XYLT1: variants seen among roughly 807,000 people sequenced by gnomAD.
XYLT1 encodes the protein beta-D-xylosyltransferase 1.
In XYLT1, 36 loss-of-function variants were observed where a neutral mutation model predicts 91.3. The ratio of observed to expected loss-of-function variants is 0.39; its 90% CI spans 0.30 to 0.52. The LOEUF (loss-of-function observed/expected upper bound fraction) is 0.52, where lower values mean the gene tolerates loss of function less well. Among genes scored for constraint, XYLT1 ranks in the 20% least tolerant of loss-of-function variants. The probability of loss-of-function intolerance (pLI) is 0.68; values close to 1 mark genes in which losing one functional copy is unlikely to be tolerated. For missense variants in XYLT1, 1,242 were observed against 1,284.5 expected, an observed-to-expected ratio of 0.97 and a Z score of 0.51; for synonymous variants, 588 against 532.0, an observed-to-expected ratio of 1.11 and a Z score of -1.45.
intron 1 of XYLT1, among the ~76,000 whole-genome samples, chr16:17,456,953 AATT>A (rs565788645): frequency 2.0e-5 from 3 of 152,126 alleles, no homozygotes; most frequent in African/African-American, 7.2e-5. Flanking sequence ...AGATAATAGC[AATT>A]ATTATTATTA....
intron 5 of XYLT1, among the ~76,000 whole-genome samples, chr16:17,180,287 G>C (rs2032038794): frequency 6.6e-6 from 1 of 152,142 alleles, no homozygotes; most frequent in Non-Finnish European, 1.5e-5. Flanking sequence ...TTGGATTAAT[G>C]GGACTATTTA....
intron 3 of XYLT1, among the ~76,000 whole-genome samples, chr16:17,255,405 C>T (rs1250490923): frequency 6.6e-6 from 1 of 152,144 alleles, no homozygotes; most frequent in East Asian, 1.9e-4. Flanking sequence ...ATAGCTGTGA[C>T]AAAGACTGGC....
intron 1 of XYLT1, among the ~76,000 whole-genome samples, chr16:17,417,211 C>T (rs552984655): frequency 2.0e-5 from 3 of 152,212 alleles, no homozygotes; most frequent in Admixed American, 6.5e-5. Context: ...CAAGGCTCTA[C>T]TGACTCTCTT....
At chr16:17,214,956 AG>A (rs1480858486) in intron 3 of XYLT1, among the ~76,000 whole-genome samples, 1 of 152,192 alleles carries the variant, frequency 6.6e-6, no homozygotes, top group Admixed American at 6.5e-5. Flanking sequence ...TTCCAAAGAC[AG>A]GATTTGCTAG....
intron 1 of XYLT1, among the ~76,000 whole-genome samples, chr16:17,446,600 C>T (rs531586209): frequency 6.6e-6 from 1 of 152,334 alleles, no homozygotes; most frequent in South Asian, 2.1e-4. Context: ...GTGCCCCTCC[C>T]AGTCTTGGGA....
chr16:17,291,285 G>A (rs1273881818), intron 2 of XYLT1, among the ~76,000 whole-genome samples: 1 of 152,204 alleles, frequency 6.6e-6, no homozygotes, highest in Non-Finnish European at 1.5e-5. Flanking sequence ...GTGTGGGTGT[G>A]AGCCATTGTG....
Position 17,140,658 on chromosome 16 carries a change from CAAAAAAAAAAAAAAAAAAAAA to C in XYLT1, c.1587+474_1587+494del, listed in dbSNP as rs71137974. Among the ~76,000 whole-genome samples the C allele has an allele frequency of 1.2e-3, 84 of 68,028 alleles. 2 individuals are homozygous for C. Among genetic ancestry groups the C allele is most frequent in the African/African-American group, 4.6e-3 (78 of 17,108 alleles). The allele number at this position is 68,028 out of a possible 152,430, so 44.6% of individuals were successfully genotyped here. ...CCTGGATGACAGAGGAAGACTGTCTCAAAAAAAAAAAAAAAAAAAAAAAAAAAAAAAAAGTTGATGTGGGTG... is the reference window on the plus strand; with the variant it reads ...CCTGGATGACAGAGGAAGACTGTCTCAAAAAAAAAAAAGTTGATGTGGGTG... On this transcript the variant is annotated intron_variant, in intron 7 of 11. Transcript: ENST00000261381.
At chr16:17,240,401 A>T (rs939699071) in intron 3 of XYLT1, among the ~76,000 whole-genome samples, 1 of 152,226 alleles carries the variant, frequency 6.6e-6, no homozygotes, top group African/African-American at 2.4e-5. Flanking sequence ...TTCCAAGTAC[A>T]TCTTAAGAAG....
chr16:17,138,632 C>T (rs775720010), intron 7 of XYLT1, 101 bp from the exon 8 acceptor site: 4 of 1,406,618 alleles, frequency 2.8e-6, no homozygotes, highest in Non-Finnish European at 3.9e-6. Flanking sequence ...CATGTAAGAA[C>T]TGGTTGTTTA....
intron 1 of XYLT1, among the ~76,000 whole-genome samples, chr16:17,361,827 A>G (rs1010093662): frequency 1.3e-5 from 2 of 152,254 alleles, no homozygotes; most frequent in African/African-American, 4.8e-5. Context: ...TCCTATGGGC[A>G]TATTACTTGA....
chr16:17,111,310 T>C (rs1342109626), intron 11 of XYLT1, among the ~76,000 whole-genome samples: 2 of 152,212 alleles, frequency 1.3e-5, no homozygotes, highest in Admixed American at 1.3e-4. Flanking sequence ...AGCTAAACAC[T>C]TCTATTATTT....
At chr16:17,221,249 A>G (rs1451681459) in intron 3 of XYLT1, among the ~76,000 whole-genome samples, 2 of 152,192 alleles carry the variant, frequency 1.3e-5, no homozygotes, top group African/African-American at 4.8e-5. Flanking sequence ...TCTACTAAAA[A>G]TGCTAACCCC....
chr16:17,418,306 A>G (rs2036205732), intron 1 of XYLT1, among the ~76,000 whole-genome samples: 1 of 152,244 alleles, frequency 6.6e-6, no homozygotes, highest in Non-Finnish European at 1.5e-5. Flanking sequence ...CAAAGAATGT[A>G]GTGTGTGAAA....
chr16:17,337,989 C>T (rs1363250929), intron 2 of XYLT1, among the ~76,000 whole-genome samples: 2 of 151,908 alleles, frequency 1.3e-5, no homozygotes, highest in Non-Finnish European at 1.5e-5. Flanking sequence ...GTTGGCCAGG[C>T]TGGTCTTGAA....
chr16:17,212,582 A>G (rs2032779390), intron 3 of XYLT1, among the ~76,000 whole-genome samples: 1 of 152,036 alleles, frequency 6.6e-6, no homozygotes, highest in African/African-American at 2.4e-5. Context: ...AGGCTACCTC[A>G]TTCATTATTT....
chr16:17,290,233 G>C (rs2034200928), intron 2 of XYLT1, among the ~76,000 whole-genome samples: 1 of 152,256 alleles, frequency 6.6e-6, no homozygotes. Flanking sequence ...AGGAAAGTTA[G>C]GGTTAGTGTC....
intron 1 of XYLT1, among the ~76,000 whole-genome samples, chr16:17,381,898 G>A (rs1368454537): frequency 1.3e-5 from 2 of 151,938 alleles, no homozygotes; most frequent in Non-Finnish European, 2.9e-5. Context: ...AATGGATGTG[G>A]GCTAACAGTG....
chr16:17,184,498 AC>A (rs1350433472), intron 5 of XYLT1, among the ~76,000 whole-genome samples: 1 of 151,832 alleles, frequency 6.6e-6, no homozygotes, highest in Non-Finnish European at 1.5e-5. Flanking sequence ...AAGTGTTTGT[AC>A]CCCATGGCAT....
In XYLT1 at chr16:17,312,750, C is replaced by T. The variant is rs2034569512; in HGVS notation, c.402+45262G>A. Reference sequence around the variant, plus strand: ...GCAGATGGGAAAACTGAAGCACAGACAGAATAAAGACAGAATAAAGTGACT... The same window carrying T: ...GCAGATGGGAAAACTGAAGCACAGATAGAATAAAGACAGAATAAAGTGACT... On this transcript the variant is annotated intron_variant, in intron 2 of 11. Transcript: ENST00000261381. The surrounding 1 kb of genome is among the most constrained non-coding windows in gnomAD (Gnocchi z 4.4). 6.6e-6 allele frequency among the ~76,000 whole-genome samples: 1 copy of T among 152,184 alleles called. No individual in the cohort carries two copies. The highest frequency in any genetic ancestry group is 2.4e-5 in the African/African-American group (1 of 41,432).
Sources: gnomAD v4.1 joint callset for allele counts (sites outside exome capture counted in the v4.1 genomes callset) on GRCh38, gnomAD v4.1.1 for gene constraint, Gnocchi (gnomAD v3.1) non-coding constraint, MANE v1.5 for transcripts, NCBI Gene and HGNC (gene_info 2026-07-23, HGNC 2026-07-21) for gene names.